Variants in LRGUK observed in about 807,000 individuals in gnomAD.
LRGUK encodes leucine-rich repeat and guanylate kinase domain-containing protein.
Under a neutral mutation model 76.0 loss-of-function variants are expected in LRGUK, and 65 were observed. The observed-to-expected ratio is 0.85, with a 90% CI of 0.70 to 1.05. LRGUK has a LOEUF of 1.05. Among genes scored for constraint, LRGUK ranks in the 50% least tolerant of loss-of-function variants. The pLI, the probability that LRGUK is intolerant of heterozygous loss-of-function variation, is 0.00. For synonymous variants in LRGUK, 268 were observed against 265.6 expected (o/e 1.01, Z -0.09); for missense variants, 758 against 732.8 (o/e 1.03, Z -0.40).
At chr7:134,246,151 A>C (rs1802296002) in intron 16 of LRGUK, among the ~76,000 whole-genome samples, 1 of 152,244 alleles carries the variant, frequency 6.6e-6, no homozygotes, top group Non-Finnish European at 1.5e-5. Context: ...TTTTCAAGCT[A>C]GGAACAGTTG....
chr7:134,159,558 A>C (rs1273330969), intron 6 of LRGUK, among the ~76,000 whole-genome samples: 2 of 152,124 alleles, frequency 1.3e-5, no homozygotes, highest in African/African-American at 4.8e-5. Flanking sequence ...TGGGAGGCTA[A>C]GGCGGGTGGA....
chr7:134,143,495 C>T (rs1337997705), intron 4 of LRGUK, among the ~76,000 whole-genome samples: 1 of 151,996 alleles, frequency 6.6e-6, no homozygotes, highest in Admixed American at 6.6e-5. Context: ...AAAAATATTA[C>T]TTGGTACATT....
chr7:134,173,933 A>G (rs1018299834), intron 7 of LRGUK, among the ~76,000 whole-genome samples: 3 of 151,846 alleles, frequency 2.0e-5, no homozygotes, highest in Non-Finnish European at 4.4e-5. Flanking sequence ...GCATGGTGAA[A>G]CCCCGTTTCT....
At chr7:134,197,781 C>T (rs1800567241) in intron 13 of LRGUK, among the ~76,000 whole-genome samples, 1 of 152,004 alleles carries the variant, frequency 6.6e-6, no homozygotes, top group Admixed American at 6.6e-5. Flanking sequence ...AAATTAAGAT[C>T]CAGAGTAAAA....
chr7:134,187,654 TG>T (rs1800033150), intron 11 of LRGUK, among the ~76,000 whole-genome samples: 1 of 152,216 alleles, frequency 6.6e-6, no homozygotes, highest in Non-Finnish European at 1.5e-5. Flanking sequence ...ATGGGTGACC[TG>T]GAGATATACA....
chr7:134,227,143 G>A (rs1387582748), intron 16 of LRGUK, among the ~76,000 whole-genome samples: 3 of 152,126 alleles, frequency 2.0e-5, no homozygotes, highest in African/African-American at 7.2e-5. Context: ...GGTGAACCTG[G>A]TACCAGAGGC....
At chr7:134,255,808 C>T (rs1178076000) in intron 18 of LRGUK, among the ~76,000 whole-genome samples, 2 of 152,058 alleles carry the variant, frequency 1.3e-5, no homozygotes, top group Admixed American at 6.6e-5. Context: ...GAAATCTTTC[C>T]GTGTGTGCAT....
chr7:134,258,255 A>C lies in LRGUK; in HGVS notation c.2199-2A>C. 6.2e-7 allele frequency: 1 copy of C among 1,613,288 alleles called. No individual in the cohort carries two copies. Among genetic ancestry groups the C allele is most frequent in the Non-Finnish European group, 8.5e-7 (1 of 1,179,672 alleles). ...AAGATCTTTGGTTTTTCATTTTTTC[A>C]GTGGGAAGGATTCCTTGGTTTCCAT... On this transcript the variant is annotated splice_acceptor_variant, in intron 18 of 19. Coordinates refer to the LRGUK transcript ENST00000285928. LOFTEE classifies it high-confidence loss of function.
chr7:134,175,223 T>C (rs1799432130), intron 8 of LRGUK, among the ~76,000 whole-genome samples: 1 of 152,186 alleles, frequency 6.6e-6, no homozygotes, highest in African/African-American at 2.4e-5. Flanking sequence ...TGACAGATGC[T>C]TTCTCCCGGT....
At chr7:134,266,346 G>A (rs536638664), downstream of LRGUK, among the ~76,000 whole-genome samples, 5 of 152,266 alleles carry the variant, frequency 3.3e-5, no homozygotes, top group Admixed American at 2.6e-4. Context: ...TTTTAAAGTA[G>A]CAATCATAAA....
At chr7:134,271,680 G>T in the LRGUK span, among the ~76,000 whole-genome samples, 16 of 151,780 alleles carry the variant, frequency 1.1e-4, no homozygotes, top group Non-Finnish European at 1.9e-4. Flanking sequence ...TATGATACTT[G>T]CTCTCCCTAT....
chr7:134,172,323 A>C (rs1332847548), intron 7 of LRGUK, among the ~76,000 whole-genome samples: 2 of 152,198 alleles, frequency 1.3e-5, no homozygotes, highest in Non-Finnish European at 1.5e-5. Flanking sequence ...ACAAAAAATT[A>C]GAATATAGAA....
intron 1 of LRGUK, among the ~76,000 whole-genome samples, chr7:134,136,454 T>G (rs757247432): frequency 1.3e-4 from 20 of 152,238 alleles, no homozygotes; most frequent in Non-Finnish European, 2.8e-4. Context: ...TAATTTGATG[T>G]AACCATCCTT....
rs564766882 is a variant in LRGUK, at chr7:134,225,261, G to A, written c.1983+3343G>A. Among the ~76,000 whole-genome samples the A allele has an allele frequency of 1.7e-4, 26 of 152,180 alleles. No individual in the cohort carries two copies. The South Asian group carries it at 5.0e-3, about 29-fold the overall frequency. ...TAAAAAGGCAGTGTGAGAGTGGAAG[G>A]GGCCACCCTGGTGATGATTGGTGGG... On this transcript the variant is annotated intron_variant, in intron 16 of 19. Transcript: ENST00000285928.
chr7:134,211,836 G>A (rs1585563760), downstream of LRGUK, among the ~76,000 whole-genome samples: 1 of 152,206 alleles, frequency 6.6e-6, no homozygotes, highest in Admixed American at 6.5e-5. Flanking sequence ...TTAGAAGGGA[G>A]TAGAAGATTT....
At chr7:134,190,215 T>C (rs1047948499) in intron 11 of LRGUK, among the ~76,000 whole-genome samples, 1 of 152,228 alleles carries the variant, frequency 6.6e-6, no homozygotes, top group Non-Finnish European at 1.5e-5. Flanking sequence ...TATTTTATTA[T>C]TTATTTATTG....
At chr7:134,194,024 G>A (rs776062248) in intron 12 of LRGUK, among the ~76,000 whole-genome samples, 1 of 151,956 alleles carries the variant, frequency 6.6e-6, no homozygotes. Context: ...CCCTTTTAAT[G>A]GACACATACA....
chr7:134,234,310 G>C (rs1395048870), intron 16 of LRGUK, among the ~76,000 whole-genome samples: 1 of 151,938 alleles, frequency 6.6e-6, no homozygotes, highest in Non-Finnish European at 1.5e-5. Context: ...CCTGAGATGA[G>C]ATACTCCGCT....
At chr7:134,248,981 T>C in exon 18 of LRGUK, 1 of 1,581,002 alleles carries the variant, frequency 6.3e-7, no homozygotes, top group Non-Finnish European at 8.6e-7. Context: ...TCACCAGTGG[T>C]CTACACTATT....
Sources: gnomAD v4.1 joint callset for allele counts (sites outside exome capture counted in the v4.1 genomes callset) on GRCh38, gnomAD v4.1.1 for gene constraint, MANE v1.5 for transcripts, NCBI Gene and HGNC (gene_info 2026-07-23, HGNC 2026-07-21) for gene names.